Variants in TSHZ2 observed in about 807,000 individuals in gnomAD.
TSHZ2 encodes teashirt zinc finger homeobox 2.
In TSHZ2, 21 loss-of-function variants were observed where a neutral mutation model predicts 74.4. The ratio of observed to expected loss-of-function variants is 0.28; its 90% CI spans 0.20 to 0.41. The LOEUF (loss-of-function observed/expected upper bound fraction) is 0.41. Ranked by LOEUF, TSHZ2 falls within the 10% of genes least tolerant of loss-of-function variation. The probability of loss-of-function intolerance (pLI) is 1.00; values close to 1 mark genes in which losing one functional copy is unlikely to be tolerated. For synonymous variants in TSHZ2, 540 were observed against 515.3 expected (o/e 1.05, Z -0.65); for missense variants, 1,244 against 1,293.5 (o/e 0.96, Z 0.59).
At chr20:53,080,638 A>G (rs776453781) in intron 1 of TSHZ2, among the ~76,000 whole-genome samples, 5 of 152,158 alleles carry the variant, frequency 3.3e-5, no homozygotes, top group African/African-American at 4.8e-5. Flanking sequence ...ACAGTTCACA[A>G]CAGGGTTCGT....
chr20:53,088,538 A>G (rs567670182), intron 1 of TSHZ2, among the ~76,000 whole-genome samples: 24 of 152,312 alleles, frequency 1.6e-4, no homozygotes, highest in African/African-American at 5.5e-4. Flanking sequence ...AAGTTTTTAA[A>G]TGCCAAGTTG....
chr20:53,340,184 C>CTTTTTT lies in TSHZ2; in HGVS notation c.*8+83624_*8+83629dup, dbSNP rs557613827. ...ACAAGGTGACTTTTCTTTCTTTTTT[C>CTTTTTT]TTTTTTTTTTTTTTTTGAGATGGAG... On this transcript the variant is annotated intron_variant, in intron 2 of 2. Coordinates refer to ENST00000371497, the MANE Select transcript of TSHZ2 (RefSeq NM_173485.6). Among the ~76,000 whole-genome samples the CTTTTTT allele has an allele frequency of 1.0e-4, 11 of 109,874 alleles. No individual in the cohort carries two copies. The East Asian group carries it at 3.1e-3, about 31-fold the overall frequency. The allele number at this position is 109,874 out of a possible 152,430, so 72.1% of individuals were successfully genotyped here.
At chr20:53,180,923 C>T (rs1319093648) in intron 1 of TSHZ2, among the ~76,000 whole-genome samples, 1 of 152,106 alleles carries the variant, frequency 6.6e-6, no homozygotes, top group Non-Finnish European at 1.5e-5. Flanking sequence ...ATCTCCTATC[C>T]ACGATCTCAT....
intron 2 of TSHZ2, among the ~76,000 whole-genome samples, chr20:53,289,040 C>A (rs1405795374): frequency 1.3e-5 from 2 of 152,080 alleles, no homozygotes; most frequent in African/African-American, 4.8e-5. Context: ...TAACTTAGCT[C>A]CCACTTAAAA....
At chr20:53,010,304 C>G (rs1982802903) in intron 1 of TSHZ2, among the ~76,000 whole-genome samples, 2 of 152,162 alleles carry the variant, frequency 1.3e-5, no homozygotes, top group African/African-American at 4.8e-5. Flanking sequence ...AAAGATTGAT[C>G]TTTGAACAAT....
chr20:53,341,997 A>C (rs200616), intron 2 of TSHZ2, among the ~76,000 whole-genome samples: 82,247 of 151,834 alleles, frequency 0.54, 23,268 homozygotes, highest in African/African-American at 0.68. Flanking sequence ...AGGCGTGAGC[A>C]ATCATGCCCA....
chr20:53,311,366 T>C (rs1978777468), intron 2 of TSHZ2, among the ~76,000 whole-genome samples: 1 of 152,250 alleles, frequency 6.6e-6, no homozygotes, highest in Admixed American at 6.5e-5. Context: ...CCTGCCTCAA[T>C]ATAAACTTCT....
intron 2 of TSHZ2, among the ~76,000 whole-genome samples, chr20:53,383,234 G>A (rs973494228): frequency 2.0e-5 from 3 of 151,158 alleles, no homozygotes; most frequent in African/African-American, 7.3e-5. Flanking sequence ...CTGCACTCAA[G>A]CCTGGGCAAC....
chr20:53,031,380 AAG>A lies in TSHZ2; in HGVS notation c.40+58048_40+58049del. The stretch of plus-strand genomic sequence containing the variant: ...TCCTCTGTCTTTGTCAATAACAAAA[AAG>A]GGAAAAATTACTCCAAAATGGCATA... On this transcript the variant is annotated intron_variant, in intron 1 of 2. Coordinates refer to ENST00000371497, the MANE Select transcript of TSHZ2 (RefSeq NM_173485.6). 2.6e-5 allele frequency among the ~76,000 whole-genome samples: 4 copies of A among 152,352 alleles called. No individual in the cohort carries two copies. The Middle Eastern group carries it at 0.014, about 518-fold the overall frequency.
At chr20:53,462,868 T>C (rs1985423237) in intron 2 of TSHZ2, among the ~76,000 whole-genome samples, 1 of 152,096 alleles carries the variant, frequency 6.6e-6, no homozygotes. Context: ...AAATCCAGGT[T>C]CCACCTCTAA....
Position 53,491,156 on chromosome 20 carries a change from TAAC to T in TSHZ2, c.*4027_*4029del, listed in dbSNP as rs1183577293. Reference sequence around the variant, plus strand: ...AAGATGTAGATGAATGCAAAAATAATAACAACAATAAGGAAATATATTAAAGCT... The same window carrying T: ...AAGATGTAGATGAATGCAAAAATAATAACAATAAGGAAATATATTAAAGCT... On this transcript the variant is annotated 3_prime_UTR_variant, in exon 3 of 3. Coordinates refer to ENST00000371497, the MANE Select transcript of TSHZ2 (RefSeq NM_173485.6). 2 of 151,848 alleles carry T rather than the reference TAAC, an allele frequency of 1.3e-5. No homozygotes were observed. The highest frequency in any genetic ancestry group is 2.4e-5 in the African/African-American group (1 of 41,352). 9.4% of individuals were successfully genotyped at this position (151,848 alleles called of 1,614,324 possible).
At chr20:53,098,953 T>C (rs1986135244) in intron 1 of TSHZ2, among the ~76,000 whole-genome samples, 1 of 152,206 alleles carries the variant, frequency 6.6e-6, no homozygotes, top group Admixed American at 6.5e-5. Flanking sequence ...TTCCCTCTCT[T>C]AGCATATTTT....
At chr20:53,308,173 TG>T (rs1978626867) in intron 2 of TSHZ2, among the ~76,000 whole-genome samples, 2 of 152,236 alleles carry the variant, frequency 1.3e-5, no homozygotes, top group Admixed American at 6.5e-5. Flanking sequence ...ACATGTGTAC[TG>T]GGGAGTCATG....
At chr20:53,115,440 G>T (rs1033831431) in intron 1 of TSHZ2, among the ~76,000 whole-genome samples, 13 of 152,256 alleles carry the variant, frequency 8.5e-5, no homozygotes, top group Admixed American at 4.6e-4. Flanking sequence ...ATTCTCTCTT[G>T]CCTGCTGCCA....
chr20:53,299,775 G>T (rs551050470), intron 2 of TSHZ2, among the ~76,000 whole-genome samples: 4 of 150,466 alleles, frequency 2.7e-5, no homozygotes, highest in African/African-American at 9.8e-5. Context: ...ACTACAGTTT[G>T]GTTGTTCTTC....
At chr20:53,208,519 C>CCT (rs1016704142) in intron 1 of TSHZ2, 3 of 152,212 alleles carry the variant, frequency 2.0e-5, no homozygotes, top group Non-Finnish European at 4.4e-5. Context: ...ATCAAACCCT[C>CCT]CGAGAGCACA....
At chr20:53,381,252 A>C (rs1981848322) in intron 2 of TSHZ2, among the ~76,000 whole-genome samples, 2 of 152,316 alleles carry the variant, frequency 1.3e-5, no homozygotes, top group South Asian at 4.1e-4. Context: ...CACTCACTTT[A>C]GCAGTTCTAC....
intron 1 of TSHZ2, among the ~76,000 whole-genome samples, chr20:53,050,585 A>G (rs1984425269): frequency 6.6e-6 from 1 of 152,370 alleles, no homozygotes; most frequent in South Asian, 2.1e-4. Context: ...GTGTAATGTC[A>G]GCAGAGACGT....
chr20:53,393,823 C>G (rs942675327), intron 2 of TSHZ2, among the ~76,000 whole-genome samples: 1 of 152,132 alleles, frequency 6.6e-6, no homozygotes, highest in Non-Finnish European at 1.5e-5. Context: ...TTACATAGGA[C>G]TCTACTATTT....
Sources: allele counts gnomAD v4.1 joint callset (sites outside exome capture counted in the v4.1 genomes callset), GRCh38; gene constraint gnomAD v4.1.1; transcripts MANE v1.5; gene names NCBI Gene and HGNC (gene_info 2026-07-23, HGNC 2026-07-21).